The following REPS1 variants were observed in gnomAD, a reference collection of about 807,000 sequenced individuals.
The protein encoded by REPS1 is RALBP1 associated Eps domain containing 1.
REPS1 carries 39 observed loss-of-function variants against 100.9 expected under a neutral mutation model. That is an observed-to-expected ratio of 0.39 (90% CI 0.30 to 0.50). REPS1 has a LOEUF of 0.50. Ranked by LOEUF, REPS1 falls within the 20% of genes least tolerant of loss-of-function variation. The pLI is 0.86. For synonymous variants in REPS1, 324 were observed against 340.3 expected, an observed-to-expected ratio of 0.95 and a Z score of 0.53; for missense variants, 821 against 968.5, an observed-to-expected ratio of 0.85 and a Z score of 2.02.
chr6:138,980,041 C>T (rs1033488655), intron 1 of REPS1, among the ~76,000 whole-genome samples: 1 of 152,070 alleles, frequency 6.6e-6, no homozygotes, highest in African/African-American at 2.4e-5. Context: ...CGAAACAATC[C>T]CCCCCAAAAT....
chr6:138,908,641 A>C, intron 18 of REPS1, 27 bp downstream of exon 18: 1 of 1,611,202 alleles, frequency 6.2e-7, no homozygotes, highest in Non-Finnish European at 8.5e-7. Context: ...CTAGTAATTA[A>C]ATGTGTCTAG....
At chr6:138,908,209 C>G (rs1779786209) in intron 18 of REPS1, among the ~76,000 whole-genome samples, 1 of 149,140 alleles carries the variant, frequency 6.7e-6, no homozygotes, top group Non-Finnish European at 1.5e-5. Flanking sequence ...AAGGGGGAAA[C>G]ATGGGAAGAA....
At chr6:138,946,180 C>T (rs1349445340) in intron 2 of REPS1, among the ~76,000 whole-genome samples, 2 of 152,166 alleles carry the variant, frequency 1.3e-5, no homozygotes, top group African/African-American at 4.8e-5. Context: ...CTAAGTAAAA[C>T]ACAGAATATG....
intron 18 of REPS1, 62 bp from the exon 19 acceptor site, chr6:138,907,662 A>T: frequency 9.8e-7 from 1 of 1,019,234 alleles, no homozygotes; most frequent in Non-Finnish European, 1.5e-6. Flanking sequence ...AATCCTCTCT[A>T]TTCCTTCCTG....
intron 1 of REPS1, among the ~76,000 whole-genome samples, chr6:138,957,318 T>A (rs1043002680): frequency 1.3e-5 from 2 of 152,204 alleles, no homozygotes; most frequent in Non-Finnish European, 2.9e-5. Context: ...GTTAATCATG[T>A]AAGAAATATC....
intron 1 of REPS1, among the ~76,000 whole-genome samples, chr6:138,959,928 T>A (rs916662695): frequency 6.6e-5 from 10 of 152,318 alleles, no homozygotes; most frequent in African/African-American, 2.4e-4. Context: ...AGAGTAAGGA[T>A]TCAACGCCAG....
intron 9 of REPS1, chr6:138,927,299 AT>A (rs1473153284): frequency 4.6e-5 from 7 of 152,234 alleles, no homozygotes; most frequent in African/African-American, 1.2e-4. Flanking sequence ...CACAAAAAAA[AT>A]CATACCTCTT....
intron 11 of REPS1, among the ~76,000 whole-genome samples, chr6:138,920,621 G>A (rs755692951): frequency 7.2e-5 from 11 of 152,144 alleles, no homozygotes; most frequent in African/African-American, 1.7e-4. Flanking sequence ...AATTTATAAC[G>A]CTGACTTACA....
rs368209892 is a variant in REPS1 at position 138,915,958 on chromosome 6, C to T, written c.1620G>A (p.Ser540=). Residue 540 remains serine, a synonymous_variant, in exon 14 of 20, where the codon TCG becomes TCA. Coordinates refer to ENST00000450536, the MANE Select transcript of REPS1 (RefSeq NM_001286611.2). ...GAGGTGGTGGTGCAGTGTTATCAGGCGACGTTCCTGAATGAGACCTGCAAA... is the reference window on the plus strand; with the variant it reads ...GAGGTGGTGGTGCAGTGTTATCAGGTGACGTTCCTGAATGAGACCTGCAAA... The part of the protein sequence containing the change: ...VTRQRSHSGT[S]PDNTAPPPPP... The T allele has an allele frequency of 1.3e-4, 214 of 1,613,388 alleles. No individual in the cohort carries two copies. The highest frequency in any genetic ancestry group is 1.7e-4 in the Non-Finnish European group (200 of 1,179,642).
In REPS1 at chr6:138,925,659, T is replaced by TA. The variant is rs5880412; in HGVS notation, c.1338+741dup. Among the ~76,000 whole-genome samples the TA allele has an allele frequency of 4.7e-3, 642 of 137,868 alleles. 3 individuals are homozygous for TA. The highest frequency in any genetic ancestry group is 7.5e-3 in the Admixed American group (105 of 13,994). The allele number at this position is 137,868 out of a possible 152,430, so 90.4% of individuals were successfully genotyped here. On this transcript the variant is annotated intron_variant, in intron 10 of 19. Transcript: ENST00000450536. ...AGTGCTTATTAGCACATCCTTGTCTTAAAAAAAAAAAAAAAGACAGAGAGA... is the reference window on the plus strand; with the variant it reads ...AGTGCTTATTAGCACATCCTTGTCTTAAAAAAAAAAAAAAAAGACAGAGAGA...
chr6:138,948,906 C>CA (rs899078947), intron 1 of REPS1, among the ~76,000 whole-genome samples: 7 of 152,120 alleles, frequency 4.6e-5, no homozygotes, highest in Admixed American at 2.6e-4. Context: ...TTTACATACA[C>CA]AAAAAAGAGT....
At chr6:138,975,664 C>G (rs1457237810) in intron 1 of REPS1, among the ~76,000 whole-genome samples, 1 of 152,072 alleles carries the variant, frequency 6.6e-6, no homozygotes, top group Non-Finnish European at 1.5e-5. Flanking sequence ...GAAACCCCAT[C>G]TCTACTAAAA....
chr6:138,971,060 T>A (rs1420097539), intron 1 of REPS1, among the ~76,000 whole-genome samples: 1 of 152,222 alleles, frequency 6.6e-6, no homozygotes, highest in Non-Finnish European at 1.5e-5. Flanking sequence ...ACAGTAAGTT[T>A]GGATTCACTC....
rs571792074 is a variant in REPS1, at chr6:138,945,280, A to G, written c.567T>C (p.Asn189=). The G allele has an allele frequency of 1.1e-5, 18 of 1,611,758 alleles. No individual in the cohort carries two copies. The Admixed American group carries it at 1.7e-4, about 15-fold the overall frequency. ...CAGGTCCCGCGAGAGGCCTCTCACTATTCCCACCGCTGGGATGACGGCTGT... is the reference window on the plus strand; with the variant it reads ...CAGGTCCCGCGAGAGGCCTCTCACTGTTCCCACCGCTGGGATGACGGCTGT... ...RKHSRHPSGG[N]SERPLAGPGP... The change falls in exon 4 of 20, where the codon AAT becomes AAC. Residue 189 remains asparagine (N), a synonymous_variant. Coordinates refer to ENST00000450536, the MANE Select transcript of REPS1 (RefSeq NM_001286611.2).
intron 1 of REPS1, among the ~76,000 whole-genome samples, chr6:138,955,896 G>A (rs1320273741): frequency 2.0e-5 from 3 of 152,116 alleles, no homozygotes; most frequent in Non-Finnish European, 2.9e-5. Flanking sequence ...CAATGAGGCT[G>A]TATTCAATAA....
rs1213156862 is a variant in REPS1 at position 138,917,650 on chromosome 6, T to C, written c.1529-23A>G. 4.4e-6 allele frequency: 7 copies of C among 1,578,794 alleles called. No individual in the cohort carries two copies. In the East Asian group the frequency reaches 6.7e-5, roughly 15 times the overall value. On this transcript the variant is annotated intron_variant, in intron 12 of 19. Transcript: ENST00000450536. ...CTGCTGATAAATGGGATATGTCCTA[T>C]TTAATAATAATCATTTCTTTACTTT...
intron 2 of REPS1, among the ~76,000 whole-genome samples, chr6:138,947,484 T>C (rs1782715508): frequency 6.6e-6 from 1 of 152,210 alleles, no homozygotes; most frequent in Non-Finnish European, 1.5e-5. Context: ...TTTACCTTAA[T>C]AAAACTATTC....
At chr6:138,926,537 C>A in intron 9 of REPS1, 56 bp from the exon 10 acceptor site, 1 of 1,239,400 alleles carries the variant, frequency 8.1e-7, no homozygotes, top group Non-Finnish European at 1.2e-6. Context: ...AGTAAAAGAT[C>A]ACTGGAGAAG....
chr6:138,940,179 C>T (rs1782134850), intron 8 of REPS1, among the ~76,000 whole-genome samples: 1 of 152,162 alleles, frequency 6.6e-6, no homozygotes, highest in Non-Finnish European at 1.5e-5. Context: ...GTAATTTAGA[C>T]AACTAAGTCA....
Sources: allele counts gnomAD v4.1 joint callset (sites outside exome capture counted in the v4.1 genomes callset), GRCh38; gene constraint gnomAD v4.1.1; transcripts MANE v1.5; gene names NCBI Gene and HGNC (gene_info 2026-07-23, HGNC 2026-07-21).